The following EXOC6B variants were observed in gnomAD, a reference collection of about 807,000 sequenced individuals.
The protein encoded by EXOC6B is SEC15 homolog B.
Under a neutral mutation model 113.5 loss-of-function variants are expected in EXOC6B, and 54 were observed. The ratio of observed to expected loss-of-function variants is 0.48; its 90% CI spans 0.38 to 0.60. The LOEUF (loss-of-function observed/expected upper bound fraction) is 0.60, where lower values mean the gene tolerates loss of function less well. Ranked by LOEUF, EXOC6B falls within the 20% of genes least tolerant of loss-of-function variation. The pLI, the probability that EXOC6B is intolerant of heterozygous loss-of-function variation, is 0.00. For missense variants in EXOC6B, 797 were observed against 977.5 expected, an observed-to-expected ratio of 0.82 and a Z score of 2.46; for synonymous variants, 357 against 339.0, an observed-to-expected ratio of 1.05 and a Z score of -0.58.
intron 18 of EXOC6B, chr2:72,464,908 A>T (rs1697941759): frequency 2.0e-6 from 1 of 509,090 alleles, no homozygotes; most frequent in Non-Finnish European, 3.4e-6. Context: ...TGTACTAATT[A>T]CCTTGAACAT....
chr2:72,517,382 C>A (rs925025626), intron 8 of EXOC6B, among the ~76,000 whole-genome samples: 2 of 152,038 alleles, frequency 1.3e-5, no homozygotes, highest in African/African-American at 4.8e-5. Flanking sequence ...GTTTGTTGAA[C>A]CCTGGTGTAG....
At chr2:72,520,462 C>T (rs1281337841) in intron 8 of EXOC6B, among the ~76,000 whole-genome samples, 1 of 152,188 alleles carries the variant, frequency 6.6e-6, no homozygotes, top group Non-Finnish European at 1.5e-5. Flanking sequence ...TTTAGCATCA[C>T]ATTTCTTCTG....
intron 8 of EXOC6B, among the ~76,000 whole-genome samples, chr2:72,532,868 C>G (rs1213705419): frequency 6.6e-6 from 1 of 151,984 alleles, no homozygotes; most frequent in African/African-American, 2.4e-5. Context: ...TGGCATCTAC[C>G]ATTTGTGACT....
chr2:72,555,511 G>C (rs1417858264), intron 8 of EXOC6B, among the ~76,000 whole-genome samples: 1 of 152,222 alleles, frequency 6.6e-6, no homozygotes, highest in East Asian at 1.9e-4. Flanking sequence ...GACCAGTGAT[G>C]ATGAGCATTT....
intron 8 of EXOC6B, among the ~76,000 whole-genome samples, chr2:72,539,916 T>C (rs1702503157): frequency 1.3e-5 from 2 of 150,958 alleles, no homozygotes; most frequent in Admixed American, 1.3e-4. Context: ...CATTTAGCAT[T>C]AGGTATATCT....
At chr2:72,671,524 G>A (rs141088221) in intron 6 of EXOC6B, among the ~76,000 whole-genome samples, 17 of 151,852 alleles carry the variant, frequency 1.1e-4, no homozygotes, top group African/African-American at 3.4e-4. Flanking sequence ...GTGAAACCCC[G>A]TCTCTACTAA....
rs187649754 is a variant in EXOC6B at position 72,515,261 on chromosome 2, T to C, written c.916-135A>G. 16 of 928,424 alleles carry C rather than the reference T, an allele frequency of 1.7e-5. No homozygotes were observed. In the Admixed American group the frequency reaches 3.5e-4, roughly 20 times the overall value. The allele number at this position is 928,424 out of a possible 1,614,324, so 57.5% of individuals were successfully genotyped here. ...TCAAAATCTGCTATTTTAACATTGA[T>C]GATAACAATAGAAAATACAAATAAC... On this transcript the variant is annotated intron_variant, in intron 8 of 21. Transcript: ENST00000272427.
In EXOC6B at chr2:72,288,656, G is replaced by C. The variant is rs368706377; in HGVS notation, c.2196+46291C>G. ...TACTATATAATCCCACTCATATAAA[G>C]TACAAAACTGGCCAACTAATCAATC... On this transcript the variant is annotated intron_variant, in intron 20 of 21. Transcript: ENST00000272427. The C allele has an allele frequency of 9.3e-5, 14 of 151,218 alleles. No homozygotes were observed. In the East Asian group the frequency reaches 2.5e-3, roughly 27 times the overall value. The allele number at this position is 151,218 out of a possible 1,614,324, so 9.4% of individuals were successfully genotyped here. A position where few individuals can be genotyped will look rare whatever the true frequency, so the allele number is the denominator to read the frequency against.
intron 18 of EXOC6B, among the ~76,000 whole-genome samples, chr2:72,459,596 T>C (rs909914060): frequency 1.4e-4 from 21 of 152,162 alleles, no homozygotes; most frequent in African/African-American, 4.8e-4. Context: ...GAGTGAACTC[T>C]CATTCACAAT....
At chr2:72,627,117 A>T (rs1419753121) in intron 6 of EXOC6B, among the ~76,000 whole-genome samples, 2 of 152,126 alleles carry the variant, frequency 1.3e-5, no homozygotes, top group Non-Finnish European at 2.9e-5. Context: ...GCTGTTATGA[A>T]GATAGAGGAT....
intron 6 of EXOC6B, among the ~76,000 whole-genome samples, chr2:72,589,497 A>G (rs925315604): frequency 2.0e-5 from 3 of 151,680 alleles, no homozygotes; most frequent in Non-Finnish European, 2.9e-5. Context: ...TGTACTGAGT[A>G]TTCAGAATAC....
At chr2:72,635,843 T>G (rs1298504227) in intron 6 of EXOC6B, among the ~76,000 whole-genome samples, 1 of 152,204 alleles carries the variant, frequency 6.6e-6, no homozygotes, top group Non-Finnish European at 1.5e-5. Context: ...CAAAAGGAAT[T>G]ATACACCATG....
In EXOC6B at chr2:72,401,649, A is replaced by ATG. The variant is rs1693320305; in HGVS notation, c.1981-21780_1981-21779insCA. On this transcript the variant is annotated intron_variant, in intron 18 of 21. Coordinates refer to ENST00000272427, the MANE Select transcript of EXOC6B (RefSeq NM_015189.3). ...TATATATATATATACATATATACAT[A>ATG]TATATATATATATATATGTATATAT... Among the ~76,000 whole-genome samples, 2 of 54,378 alleles carry ATG rather than the reference A, an allele frequency of 3.7e-5. 1 individual carries two copies. Among genetic ancestry groups the ATG allele is most frequent in the Non-Finnish European group, 6.1e-5 (2 of 32,678 alleles). The allele number at this position is 54,378 out of a possible 152,430, so 35.7% of individuals were successfully genotyped here.
chr2:72,638,502 C>T (rs1290059258), intron 6 of EXOC6B, among the ~76,000 whole-genome samples: 1 of 152,054 alleles, frequency 6.6e-6, no homozygotes, highest in Non-Finnish European at 1.5e-5. Flanking sequence ...GGGAAAGACA[C>T]AGAAGCTAGG....
chr2:72,184,831 A>G (rs1678318866), intron 20 of EXOC6B, among the ~76,000 whole-genome samples: 1 of 152,240 alleles, frequency 6.6e-6, no homozygotes, highest in Non-Finnish European at 1.5e-5. Context: ...GTCTATGCAG[A>G]CACAGGCTAA....
intron 18 of EXOC6B, among the ~76,000 whole-genome samples, chr2:72,432,909 C>T (rs112330355): frequency 0.24 from 36,899 of 151,964 alleles, 7,740 homozygotes; most frequent in African/African-American, 0.57. Context: ...AGCTCTTTAG[C>T]TTAATTAGAT....
intron 6 of EXOC6B, among the ~76,000 whole-genome samples, chr2:72,660,042 T>C (rs1457875028): frequency 1.3e-5 from 2 of 151,778 alleles, no homozygotes; most frequent in Non-Finnish European, 2.9e-5. Context: ...ACTGGTATGA[T>C]CGTCTGTTGT....
Position 72,495,519 on chromosome 2 carries a change from A to C in EXOC6B, c.1464T>G (p.Phe488Leu), listed in dbSNP as rs567034443. ...CTTTTGGCACAAATTCAGAGAAAGG[A>C]AACTTTTTTGGAAATGGTTGCTGTA... ...ELEKQPFPKK[F>L]PFSEFVPKVY... Residue 488 changes from phenylalanine (F) to leucine (L), a missense_variant, in exon 15 of 22, where the codon TTT becomes TTG. By Grantham distance (22) the Phe-to-Leu change is conservative. Coordinates refer to ENST00000272427, the MANE Select transcript of EXOC6B (RefSeq NM_015189.3). 4 of 1,606,300 alleles carry C rather than the reference A, an allele frequency of 2.5e-6. No individual in the cohort carries two copies. In the Admixed American group the frequency reaches 5.1e-5, roughly 20 times the overall value.
intron 20 of EXOC6B, among the ~76,000 whole-genome samples, chr2:72,318,742 C>T (rs985227790): frequency 1.3e-5 from 2 of 152,078 alleles, no homozygotes; most frequent in Admixed American, 1.3e-4. Context: ...TTGCAAAATA[C>T]CTTCCATCAG....
Sources: allele counts gnomAD v4.1 joint callset (sites outside exome capture counted in the v4.1 genomes callset), GRCh38; gene constraint gnomAD v4.1.1; transcripts MANE v1.5; gene names NCBI Gene and HGNC (gene_info 2026-07-23, HGNC 2026-07-21).